Variants in GRM4 observed in about 807,000 individuals in gnomAD.
The protein encoded by GRM4 is glutamate metabotropic receptor 4.
In GRM4, 28 loss-of-function variants were observed where a neutral mutation model predicts 81.7. That is an observed-to-expected ratio of 0.34 (90% CI 0.25 to 0.47). The LOEUF (loss-of-function observed/expected upper bound fraction) is 0.47. Among genes scored for constraint, GRM4 ranks in the 20% least tolerant of loss-of-function variants. The probability of loss-of-function intolerance (pLI) is 1.00; values close to 1 mark genes in which losing one functional copy is unlikely to be tolerated. For missense variants in GRM4, 948 were observed against 1,290.0 expected (o/e 0.73, Z 4.06); for synonymous variants, 488 against 528.8 (o/e 0.92, Z 1.06).
rs183475534 is a variant in GRM4, at chr6:34,136,557, C to T, written c.-363-2698G>A. ...GTCTGGGCTGAGCAGTGCATGCGCG[C>T]GTGCGGACACACACACACACACACA... On this transcript the variant is annotated intron_variant, in intron 1 of 10. Coordinates refer to ENST00000538487, the MANE Select transcript of GRM4 (RefSeq NM_000841.4). The surrounding 1 kb of genome is among the most constrained non-coding windows in gnomAD (Gnocchi z 4.1). Among the ~76,000 whole-genome samples the T allele has an allele frequency of 4.4e-3, 553 of 124,948 alleles. 6 individuals are homozygous for T. Among genetic ancestry groups the T allele is most frequent in the African/African-American group, 0.015 (511 of 34,910 alleles). 82.0% of individuals were successfully genotyped at this position (124,948 alleles called of 152,430 possible). A position where few individuals can be genotyped will look rare whatever the true frequency, so the allele number is the denominator to read the frequency against.
At chr6:34,137,450 C>G (rs982270131) in intron 1 of GRM4, among the ~76,000 whole-genome samples, 2 of 152,238 alleles carry the variant, frequency 1.3e-5, no homozygotes, top group Admixed American at 6.5e-5. Context: ...CTGCAGACTA[C>G]CCCTTTCCCC....
intron 1 of GRM4, chr6:34,155,019 C>T: frequency 7.4e-7 from 1 of 1,358,528 alleles, no homozygotes; most frequent in Non-Finnish European, 9.9e-7. Context: ...TCCCACAGTG[C>T]TGGGCACCTC....
chr6:34,149,151 G>A (rs545296650), upstream of GRM4, among the ~76,000 whole-genome samples: 2 of 151,888 alleles, frequency 1.3e-5, no homozygotes, highest in African/African-American at 4.8e-5. Context: ...CCAACCTTTT[G>A]AAAGAATCCT....
At chr6:34,039,223 T>C (rs1764875605) in intron 8 of GRM4, among the ~76,000 whole-genome samples, 1 of 152,190 alleles carries the variant, frequency 6.6e-6, no homozygotes, top group African/African-American at 2.4e-5. Flanking sequence ...TCCTGGGAGA[T>C]TTCCTCTGAC....
Position 34,036,024 on chromosome 6 carries a change from G to A in GRM4, c.2086C>T (p.Pro696Ser), listed in dbSNP as rs748834566. Residue 696 changes from proline to serine, a missense_variant, in exon 9 of 11, where the codon CCC becomes TCC. Pro to Ser is a moderately conservative substitution (Grantham distance 74). Coordinates refer to ENST00000538487, the MANE Select transcript of GRM4 (RefSeq NM_000841.4). The surrounding 1 kb of genome is among the most constrained non-coding windows in gnomAD (Gnocchi z 9.0). ...AAGGTGATGGCCAGCTGTGAGGCGG[G>A]GCTGATGAAGCGTGGGGCACTGACC... ...RSVSAPRFIS[P>S]ASQLAITFSL... 3.7e-6 allele frequency: 6 copies of A among 1,614,076 alleles called. No homozygotes were observed. In the East Asian group the frequency reaches 1.3e-4, roughly 36 times the overall value.
intron 6 of GRM4, among the ~76,000 whole-genome samples, chr6:34,044,185 CAT>C (rs1207901303): frequency 2.0e-5 from 3 of 147,840 alleles, no homozygotes; most frequent in Non-Finnish European, 3.0e-5. Context: ...CATACATACA[CAT>C]ATATACACAC....
At position 34,092,421 on chromosome 6, in the gene GRM4, A is replaced by C. The variant is rs1190474190; in HGVS notation, c.520-322T>G. Among the ~76,000 whole-genome samples, 2 of 152,242 alleles carry C rather than the reference A, an allele frequency of 1.3e-5. No homozygotes were observed. Among genetic ancestry groups the C allele is most frequent in the Middle Eastern group, 3.4e-3 (1 of 294 alleles). ...ATCCCAGCCCAGGGAAAATCCCCAC[A>C]TACGTGAGATGATTCAGCCTGGGGA... On this transcript the variant is annotated intron_variant, in intron 2 of 10. Transcript: ENST00000538487. This position sits in a 1 kb window ranked among gnomAD's most constrained non-coding sequence, Gnocchi z 6.8.
chr6:34,082,342 T>C (rs1375201919), intron 3 of GRM4, among the ~76,000 whole-genome samples: 1 of 152,216 alleles, frequency 6.6e-6, no homozygotes, highest in Non-Finnish European at 1.5e-5. Flanking sequence ...AAGTAGCTAC[T>C]CTGTGGGCTC....
At chr6:34,129,289 A>C (rs1402061418) in intron 2 of GRM4, among the ~76,000 whole-genome samples, 1 of 152,222 alleles carries the variant, frequency 6.6e-6, no homozygotes, top group Non-Finnish European at 1.5e-5. Context: ...TGCTGGGATT[A>C]CAGGTGTGAG....
chr6:34,076,639 C>A (rs2499696), intron 3 of GRM4, among the ~76,000 whole-genome samples: 11 of 151,872 alleles, frequency 7.2e-5, no homozygotes, highest in African/African-American at 2.7e-4. Flanking sequence ...AAAGTGAGCA[C>A]GGCAGCAGGG....
chr6:34,079,999 GC>G (rs915027888), intron 3 of GRM4, among the ~76,000 whole-genome samples: 2 of 151,494 alleles, frequency 1.3e-5, no homozygotes, highest in African/African-American at 4.9e-5. Context: ...GTCCCCACAG[GC>G]CCCCCCAGGG....
intron 5 of GRM4, among the ~76,000 whole-genome samples, chr6:34,058,216 C>T (rs1415209079): frequency 6.6e-6 from 1 of 152,106 alleles, no homozygotes; most frequent in Non-Finnish European, 1.5e-5. Flanking sequence ...TAGCCATGGG[C>T]CTCTGGACAG....
chr6:34,033,080 C>T (rs1305270137), intron 9 of GRM4, among the ~76,000 whole-genome samples: 1 of 152,164 alleles, frequency 6.6e-6, no homozygotes. Flanking sequence ...CCTCTGCCTG[C>T]ACCTGCGCTC....
Position 34,133,924 on chromosome 6 carries a change from A to T in GRM4, c.-363-65T>A, listed in dbSNP as rs1427596233. The T allele has an allele frequency of 1.4e-6, 1 of 705,004 alleles. No homozygotes were observed. Among genetic ancestry groups the T allele is most frequent in the South Asian group, 6.5e-5 (1 of 15,450 alleles). 43.7% of individuals were successfully genotyped at this position (705,004 alleles called of 1,614,324 possible). On this transcript the variant is annotated intron_variant, in intron 1 of 10. Transcript: ENST00000538487. This position sits in a 1 kb window ranked among gnomAD's most constrained non-coding sequence, Gnocchi z 6.5. ...CCCAAAGAAGACATTAGCTAGTCTC[A>T]TCTCTCATCAGGAGCCTGAGAGAAG...
rs115245957 is a variant in GRM4 at position 34,107,302 on chromosome 6, A to C, written c.520-15203T>G. On this transcript the variant is annotated intron_variant, in intron 2 of 10. Transcript: ENST00000538487. ...TCCCTCTAGCCCCTGGCAAGGGGGG[A>C]GAGGCGATATGGCTCCACCCCATGA... Among the ~76,000 whole-genome samples, 1,226 of 151,852 alleles carry C rather than the reference A, an allele frequency of 8.1e-3. 11 individuals are homozygous for C. The highest frequency in any genetic ancestry group is 0.028 in the African/African-American group (1,145 of 41,228).
intron 2 of GRM4, among the ~76,000 whole-genome samples, chr6:34,097,486 C>T (rs1467203588): frequency 6.6e-6 from 1 of 152,122 alleles, no homozygotes; most frequent in Admixed American, 6.5e-5. Context: ...CACATGTGTG[C>T]TTAGTGCCTG....
intron 3 of GRM4, among the ~76,000 whole-genome samples, chr6:34,088,999 C>T (rs184963280): frequency 1.3e-5 from 2 of 152,312 alleles, no homozygotes; most frequent in East Asian, 3.9e-4. Flanking sequence ...GTTCCCATCC[C>T]AGCTCCTCCA....
At chr6:34,086,660 G>A (rs1767904461) in intron 3 of GRM4, among the ~76,000 whole-genome samples, 1 of 152,192 alleles carries the variant, frequency 6.6e-6, no homozygotes, top group Non-Finnish European at 1.5e-5. Context: ...CACCACAGAG[G>A]GTAAGTTCAG....
At chr6:34,029,901 C>T (rs767904760) in intron 9 of GRM4, among the ~76,000 whole-genome samples, 2 of 152,180 alleles carry the variant, frequency 1.3e-5, no homozygotes, top group African/African-American at 2.4e-5. Context: ...GGAAGGAGGC[C>T]GAGAGTGGCC....
Sources: gnomAD v4.1 joint callset for allele counts (sites outside exome capture counted in the v4.1 genomes callset) on GRCh38, gnomAD v4.1.1 for gene constraint, Gnocchi (gnomAD v3.1) non-coding constraint, MANE v1.5 for transcripts, NCBI Gene and HGNC (gene_info 2026-07-23, HGNC 2026-07-21) for gene names.